Variants in KCNU1 observed in about 807,000 individuals in gnomAD.
KCNU1 encodes potassium channel subfamily U member 1.
A neutral mutation model predicts 126.8 loss-of-function variants in KCNU1; 93 were observed. The observed-to-expected ratio is 0.73, with a 90% CI of 0.62 to 0.87. The LOEUF (loss-of-function observed/expected upper bound fraction) is 0.87, where lower values mean the gene tolerates loss of function less well. KCNU1 is among the 40% of genes least tolerant of loss of function. The probability of loss-of-function intolerance (pLI) is 0.00; values close to 1 mark genes in which losing one functional copy is unlikely to be tolerated. For missense variants in KCNU1, 1,330 were observed against 1,367.1 expected (o/e 0.97, Z 0.43); for synonymous variants, 523 against 494.2 (o/e 1.06, Z -0.77).
At chr8:36,917,541 A>G (rs1340813098) in intron 22 of KCNU1, among the ~76,000 whole-genome samples, 1 of 150,876 alleles carries the variant, frequency 6.6e-6, no homozygotes, top group East Asian at 2.0e-4. Flanking sequence ...ATTTTTGTAG[A>G]GAACAGGTCT....
intron 11 of KCNU1, among the ~76,000 whole-genome samples, chr8:36,834,394 A>C (rs1226590454): frequency 6.6e-6 from 1 of 152,268 alleles, no homozygotes; most frequent in Non-Finnish European, 1.5e-5. Flanking sequence ...AGAGCCAAGT[A>C]GACTCCCAGT....
chr8:36,906,520 T>G (rs1807637297), intron 20 of KCNU1, among the ~76,000 whole-genome samples: 1 of 152,208 alleles, frequency 6.6e-6, no homozygotes, highest in African/African-American at 2.4e-5. Flanking sequence ...ATAATCTTAG[T>G]GGTTTACCTT....
chr8:36,818,353 CTCTT>C (rs576647405), intron 10 of KCNU1, among the ~76,000 whole-genome samples: 10 of 150,126 alleles, frequency 6.7e-5, no homozygotes, highest in Non-Finnish European at 1.0e-4. Context: ...TTTGAAATTT[CTCTT>C]TCTTTCTTTC....
chr8:36,831,305 C>G (rs1330235066), intron 10 of KCNU1, among the ~76,000 whole-genome samples: 3 of 152,016 alleles, frequency 2.0e-5, no homozygotes, highest in Non-Finnish European at 4.4e-5. Context: ...AGTGGTATTT[C>G]TAGTTCTAGA....
chr8:36,854,355 G>A (rs1001301427), intron 18 of KCNU1, among the ~76,000 whole-genome samples: 1 of 151,610 alleles, frequency 6.6e-6, no homozygotes, highest in Non-Finnish European at 1.5e-5. Context: ...AAATCCTTTG[G>A]TACACTTGAT....
intron 19 of KCNU1, chr8:36,888,907 C>G: frequency 2.5e-6 from 1 of 407,916 alleles, no homozygotes; most frequent in South Asian, 2.0e-5. Context: ...GAGATAGGGT[C>G]TCGCTCTGTC....
At chr8:36,897,324 T>C (rs971835229) in intron 19 of KCNU1, among the ~76,000 whole-genome samples, 7 of 151,936 alleles carry the variant, frequency 4.6e-5, no homozygotes, top group Non-Finnish European at 1.0e-4. Context: ...TCTTTTTCTC[T>C]GTCTATCTTT....
At chr8:36,923,188 G>A in intron 24 of KCNU1, 1 of 411,628 alleles carries the variant, frequency 2.4e-6, no homozygotes, top group Non-Finnish European at 4.9e-6. Context: ...GATTCCCCTG[G>A]GTGGAATTAA....
chr8:36,839,354 G>A (rs958736604), intron 14 of KCNU1, among the ~76,000 whole-genome samples: 3 of 151,984 alleles, frequency 2.0e-5, no homozygotes, highest in East Asian at 1.9e-4. Context: ...CCATCCCCAC[G>A]CTATCATTTT....
chr8:36,838,425 T>C (rs534234104), intron 14 of KCNU1, among the ~76,000 whole-genome samples: 1 of 152,302 alleles, frequency 6.6e-6, no homozygotes, highest in South Asian at 2.1e-4. Flanking sequence ...GTGTGGTGGC[T>C]CACGCCTGTA....
intron 9 of KCNU1, 148 bp downstream of exon 9, chr8:36,815,835 A>G (rs1803890432): frequency 1.8e-6 from 1 of 553,910 alleles, no homozygotes; most frequent in Admixed American, 3.8e-5. Flanking sequence ...GGACTGTGCT[A>G]AACTAAATAC....
intron 7 of KCNU1, among the ~76,000 whole-genome samples, chr8:36,813,416 C>T (rs1272101146): frequency 6.6e-6 from 1 of 150,386 alleles, no homozygotes; most frequent in Non-Finnish European, 1.5e-5. Flanking sequence ...AATATGTGAG[C>T]TGAGGAGAAA....
At chr8:36,808,874 GC>G in intron 7 of KCNU1, 81 bp downstream of exon 7, 1 of 966,722 alleles carries the variant, frequency 1.0e-6, no homozygotes, top group Non-Finnish European at 1.6e-6. Flanking sequence ...AACCTGCTGA[GC>G]CCCTGTCTCC....
intron 7 of KCNU1, among the ~76,000 whole-genome samples, chr8:36,810,664 T>C (rs1803678328): frequency 2.6e-5 from 4 of 152,192 alleles, no homozygotes; most frequent in South Asian, 4.1e-4. Context: ...AGCTAAATGA[T>C]GATATCATTC....
At chr8:36,835,138 G>A (rs1428023371) in intron 12 of KCNU1, among the ~76,000 whole-genome samples, 1 of 152,068 alleles carries the variant, frequency 6.6e-6, no homozygotes, top group Non-Finnish European at 1.5e-5. Context: ...AATTTAAGAA[G>A]CAAGCATACA....
At chr8:36,873,278 C>T (rs1806168007) in intron 19 of KCNU1, among the ~76,000 whole-genome samples, 2 of 151,994 alleles carry the variant, frequency 1.3e-5, no homozygotes, top group Non-Finnish European at 2.9e-5. Flanking sequence ...AACCCCCACC[C>T]CTTTCTTTAA....
intron 20 of KCNU1, among the ~76,000 whole-genome samples, chr8:36,908,182 T>A (rs551282594): frequency 3.3e-5 from 5 of 152,294 alleles, no homozygotes; most frequent in African/African-American, 1.2e-4. Flanking sequence ...AGGCTTACAA[T>A]AAGTTTCCCA....
intron 7 of KCNU1, among the ~76,000 whole-genome samples, chr8:36,809,822 G>T (rs1803644236): frequency 1.3e-5 from 2 of 152,126 alleles, no homozygotes; most frequent in African/African-American, 4.8e-5. Flanking sequence ...TCAATGAGGG[G>T]CTCAAAGGCT....
rs1257121970 is a variant in KCNU1, at chr8:36,932,991, C to T, written c.3003C>T (p.Tyr1001=). The T allele has an allele frequency of 1.9e-6, 3 of 1,570,406 alleles. No individual in the cohort carries two copies. The highest frequency in any genetic ancestry group is 2.6e-6 in the Non-Finnish European group (3 of 1,155,884). ...DLFGILCVGL[Y]RIIDEEELNP... ...TTGGAATCCTGTGTGTTGGCTTATA[C>T]CGAATAATTGATGAAGAGGAGCTCA... Residue 1001 remains tyrosine, a synonymous_variant, in exon 26 of 27, where the codon TAC becomes TAT. Transcript: ENST00000399881.
Sources: allele counts gnomAD v4.1 joint callset (sites outside exome capture counted in the v4.1 genomes callset), GRCh38; gene constraint gnomAD v4.1.1; transcripts MANE v1.5; gene names NCBI Gene and HGNC (gene_info 2026-07-23, HGNC 2026-07-21).